Variants in GPC6 observed in about 807,000 individuals in gnomAD.
GPC6 encodes the protein glypican 6.
GPC6 carries 14 observed loss-of-function variants against 55.2 expected under a neutral mutation model. The ratio of observed to expected loss-of-function variants is 0.25; its 90% CI spans 0.17 to 0.40. The LOEUF (loss-of-function observed/expected upper bound fraction) is 0.40, where lower values mean the gene tolerates loss of function less well. Among genes scored for constraint, GPC6 ranks in the 10% least tolerant of loss-of-function variants. The pLI, the probability that GPC6 is intolerant of heterozygous loss-of-function variation, is 1.00. For missense variants in GPC6, 641 were observed against 708.5 expected (o/e 0.90, Z 1.08); for synonymous variants, 278 against 259.6 (o/e 1.07, Z -0.68).
At chr13:93,686,342 TA>T (rs1882044029) in intron 2 of GPC6, among the ~76,000 whole-genome samples, 1 of 152,146 alleles carries the variant, frequency 6.6e-6, no homozygotes, top group Non-Finnish European at 1.5e-5. Flanking sequence ...TAGAGTATTT[TA>T]AATGTTAAAA....
chr13:93,951,315 G>T (rs1358335601), intron 3 of GPC6, among the ~76,000 whole-genome samples: 5 of 152,074 alleles, frequency 3.3e-5, no homozygotes, highest in African/African-American at 1.2e-4. Flanking sequence ...ATTATTATGT[G>T]ATTTTAGGTC....
intron 3 of GPC6, among the ~76,000 whole-genome samples, chr13:93,945,235 A>G (rs1402061854): frequency 2.0e-5 from 3 of 152,222 alleles, no homozygotes; most frequent in African/African-American, 7.2e-5. Flanking sequence ...CTAATAATAT[A>G]ATGTAAAATA....
At chr13:94,210,549 T>C (rs1890046647) in intron 4 of GPC6, among the ~76,000 whole-genome samples, 1 of 152,162 alleles carries the variant, frequency 6.6e-6, no homozygotes, top group South Asian at 2.1e-4. Context: ...AAAGAATATG[T>C]CATATATACA....
At chr13:93,245,949 A>T (rs1327112831) in intron 1 of GPC6, among the ~76,000 whole-genome samples, 2 of 152,196 alleles carry the variant, frequency 1.3e-5, no homozygotes, top group Non-Finnish European at 2.9e-5. Flanking sequence ...TTAAATGGGA[A>T]ATGGGCAATG....
chr13:93,355,284 T>C (rs1345176214), intron 1 of GPC6, among the ~76,000 whole-genome samples: 1 of 152,084 alleles, frequency 6.6e-6, no homozygotes, highest in Admixed American at 6.5e-5. Context: ...CACTTAGAAG[T>C]GAAAGGTGTG....
At chr13:93,229,202 T>C (rs1334224041) in intron 1 of GPC6, among the ~76,000 whole-genome samples, 1 of 152,170 alleles carries the variant, frequency 6.6e-6, no homozygotes, top group Non-Finnish European at 1.5e-5. Context: ...TTGTCTACTG[T>C]TATTTCATTC....
At chr13:93,334,710 G>A (rs185730645) in intron 1 of GPC6, among the ~76,000 whole-genome samples, 12 of 152,172 alleles carry the variant, frequency 7.9e-5, no homozygotes, top group Non-Finnish European at 1.6e-4. Flanking sequence ...CAGGTGATTC[G>A]CCTGCCTCAG....
intron 4 of GPC6, among the ~76,000 whole-genome samples, chr13:94,177,407 A>G (rs1300287679): frequency 1.3e-5 from 2 of 152,148 alleles, no homozygotes; most frequent in Non-Finnish European, 2.9e-5. Context: ...TGATACGTTA[A>G]TTATATAAAA....
intron 3 of GPC6, among the ~76,000 whole-genome samples, chr13:93,914,291 C>T (rs1877173710): frequency 1.3e-5 from 2 of 152,046 alleles, no homozygotes; most frequent in African/African-American, 4.8e-5. Context: ...TGTTCAATTG[C>T]CGCCTATAAG....
intron 8 of GPC6, among the ~76,000 whole-genome samples, chr13:94,399,785 A>G (rs545355174): frequency 4.1e-4 from 63 of 152,310 alleles, no homozygotes; most frequent in African/African-American, 1.1e-3. Context: ...AAATTCCTCA[A>G]AATAATCCCA....
At chr13:94,050,126 C>G (rs777342233) in intron 4 of GPC6, among the ~76,000 whole-genome samples, 6 of 152,090 alleles carry the variant, frequency 3.9e-5, no homozygotes, top group Non-Finnish European at 8.8e-5. Flanking sequence ...AGGTCTTTAT[C>G]AGCATCATGA....
At chr13:93,326,524 C>T (rs1340162299) in intron 1 of GPC6, among the ~76,000 whole-genome samples, 1 of 152,122 alleles carries the variant, frequency 6.6e-6, no homozygotes, top group African/African-American at 2.4e-5. Context: ...GGGAGTAGAA[C>T]CGTTTACAGA....
chr13:93,324,593 T>TATATATACACACATACATTC (rs1240383059), intron 1 of GPC6, among the ~76,000 whole-genome samples: 1 of 128,880 alleles, frequency 7.8e-6, no homozygotes, highest in African/African-American at 2.7e-5. Context: ...CATACATATA[T>TATATATACACACATACATTC]ATATATATAT....
At position 93,882,593 on chromosome 13, in the gene GPC6, A is replaced by G. The variant is rs993597645; in HGVS notation, c.711+52048A>G. ...TTTTTTTTTAATTTGTATACATTAG[A>G]GATCATTTTGTGTGATGTAAAGTTC... is the stretch of plus-strand genomic sequence containing the variant. On this transcript the variant is annotated intron_variant, in intron 3 of 8. Transcript: ENST00000377047. Among the ~76,000 whole-genome samples the G allele has an allele frequency of 2.6e-5, 4 of 152,090 alleles. No individual in the cohort carries two copies. The East Asian group carries it at 5.8e-4, about 22-fold the overall frequency.
At chr13:93,667,581 C>T (rs928716074) in intron 2 of GPC6, among the ~76,000 whole-genome samples, 2 of 151,860 alleles carry the variant, frequency 1.3e-5, no homozygotes, top group Non-Finnish European at 1.5e-5. Context: ...TACAGGTGCC[C>T]GCCACCATGC....
chr13:94,088,173 A>G (rs1198848124), intron 4 of GPC6, among the ~76,000 whole-genome samples: 3 of 152,178 alleles, frequency 2.0e-5, no homozygotes, highest in African/African-American at 7.2e-5. Flanking sequence ...TAGGAGCTCT[A>G]GTTCAATATT....
At chr13:94,187,446 G>A (rs536347466) in intron 4 of GPC6, 4 of 152,240 alleles carry the variant, frequency 2.6e-5, no homozygotes, top group Admixed American at 1.3e-4. Flanking sequence ...TTAGCATAAA[G>A]CATTCACGAA....
chr13:93,737,821 C>T (rs1884055562), intron 2 of GPC6, among the ~76,000 whole-genome samples: 1 of 152,024 alleles, frequency 6.6e-6, no homozygotes, highest in African/African-American at 2.4e-5. Flanking sequence ...GATGTCTTTA[C>T]AGAACATTTG....
intron 2 of GPC6, among the ~76,000 whole-genome samples, 157 bp downstream of exon 2, chr13:93,545,578 G>T (rs1454647548): frequency 6.7e-6 from 1 of 149,508 alleles, no homozygotes; most frequent in Non-Finnish European, 1.5e-5. Context: ...GAGTTTTCTT[G>T]ACAGTAATTT....
Sources: allele counts gnomAD v4.1 joint callset (sites outside exome capture counted in the v4.1 genomes callset), GRCh38; gene constraint gnomAD v4.1.1; transcripts MANE v1.5; gene names NCBI Gene and HGNC (gene_info 2026-07-23, HGNC 2026-07-21).